LCP1: variants seen among roughly 807,000 people sequenced by gnomAD.
LCP1 encodes the protein lymphocyte cytosolic protein 1.
In LCP1, 23 loss-of-function variants were observed where a neutral mutation model predicts 72.0. That is an observed-to-expected ratio of 0.32 (90% CI 0.23 to 0.45). The LOEUF (loss-of-function observed/expected upper bound fraction) is 0.45. LCP1 is among the 20% of genes least tolerant of loss of function. The probability of loss-of-function intolerance (pLI) is 1.00; values close to 1 mark genes in which losing one functional copy is unlikely to be tolerated. For missense variants in LCP1, 571 were observed against 748.3 expected, an observed-to-expected ratio of 0.76 and a Z score of 2.76; for synonymous variants, 245 against 275.4, an observed-to-expected ratio of 0.89 and a Z score of 1.09.
chr13:46,158,265 T>A (rs1479017347), intron 4 of LCP1, among the ~76,000 whole-genome samples: 1 of 152,194 alleles, frequency 6.6e-6, no homozygotes, highest in South Asian at 2.1e-4. Flanking sequence ...ATTTTGTCCA[T>A]AAGATTTAGA....
chr13:46,171,317 C>T (rs769910345), intron 1 of LCP1, among the ~76,000 whole-genome samples: 34 of 152,136 alleles, frequency 2.2e-4, no homozygotes, highest in Non-Finnish European at 4.3e-4. Context: ...TCTCGAGTTT[C>T]CCTGCCATCC....
chr13:46,149,383 G>T (rs1369775109), intron 8 of LCP1, among the ~76,000 whole-genome samples: 1 of 152,130 alleles, frequency 6.6e-6, no homozygotes, highest in East Asian at 1.9e-4. Flanking sequence ...TCCCTTCTCT[G>T]ACTTTTCACT....
intron 10 of LCP1, among the ~76,000 whole-genome samples, 187 bp from the exon 11 acceptor site, chr13:46,144,707 G>C (rs975458052): frequency 6.6e-6 from 1 of 152,160 alleles, no homozygotes; most frequent in African/African-American, 2.4e-5. Flanking sequence ...TTTCAATTCC[G>C]CATGTATTTC....
At chr13:46,152,744 G>A (rs1186900351) in intron 7 of LCP1, 36 bp downstream of exon 7, 4 of 1,596,040 alleles carry the variant, frequency 2.5e-6, no homozygotes, top group Non-Finnish European at 3.4e-6. Context: ...TTATTAGAAA[G>A]CTGTGTCATA....
At chr13:46,137,237 A>G (rs1198990954) in intron 13 of LCP1, among the ~76,000 whole-genome samples, 1 of 151,532 alleles carries the variant, frequency 6.6e-6, no homozygotes, top group African/African-American at 2.4e-5. Context: ...CAAAGAGAAG[A>G]AAGAATAGAA....
At chr13:46,162,978 C>T (rs1180804488) in intron 1 of LCP1, among the ~76,000 whole-genome samples, 1 of 151,064 alleles carries the variant, frequency 6.6e-6, no homozygotes, top group African/African-American at 2.4e-5. Flanking sequence ...TGAGGAGCGT[C>T]TCCAGCCGGC....
At chr13:46,157,741 C>CTTTTTTTTT (rs548259648) in intron 4 of LCP1, among the ~76,000 whole-genome samples, 1 of 99,790 alleles carries the variant, frequency 1.0e-5, no homozygotes, top group African/African-American at 4.1e-5. Flanking sequence ...CATGACTTAT[C>CTTTTTTTTT]TTTTTTTTTT....
chr13:46,180,346 G>C (rs1014265644), intron 1 of LCP1, among the ~76,000 whole-genome samples: 3 of 152,128 alleles, frequency 2.0e-5, no homozygotes. Context: ...CAAGTTAAAT[G>C]GTACTTTAAC....
intron 4 of LCP1, 65 bp from the exon 5 acceptor site, chr13:46,156,635 A>C: frequency 1.3e-6 from 2 of 1,548,088 alleles, no homozygotes; most frequent in East Asian, 4.5e-5. Context: ...AAAATTATGC[A>C]TGTGGATCTT....
chr13:46,151,224 G>A (rs528181059), intron 7 of LCP1, 146 bp from the exon 8 acceptor site: 4 of 705,238 alleles, frequency 5.7e-6, no homozygotes, highest in East Asian at 2.9e-5. Context: ...CTTTCCCATG[G>A]ATTAAATATT....
intron 15 of LCP1, among the ~76,000 whole-genome samples, chr13:46,128,618 C>A (rs985040604): frequency 4.6e-5 from 7 of 152,060 alleles, no homozygotes; most frequent in African/African-American, 1.2e-4. Context: ...AAAATCCTAG[C>A]CTTACACATC....
chr13:46,131,238 T>C lies in LCP1; in HGVS notation c.1627-300A>G, dbSNP rs577745158. ...AAAATAGTGGATTGTGTCAAGCATATGAAAAAATGCAAAAATGCTCGGCAT... is the reference window on the plus strand; with the variant it reads ...AAAATAGTGGATTGTGTCAAGCATACGAAAAAATGCAAAAATGCTCGGCAT... On this transcript the variant is annotated intron_variant, in intron 14 of 15. Transcript: ENST00000323076. Among the ~76,000 whole-genome samples, 15 of 152,184 alleles carry C rather than the reference T, an allele frequency of 9.9e-5. 1 individual carries two copies. Among genetic ancestry groups the C allele is most frequent in the Admixed American group, 8.5e-4 (13 of 15,276 alleles).
Position 46,144,661 on chromosome 13 carries a change from C to T in LCP1, c.1175-141G>A, listed in dbSNP as rs377131394. ...TAAAATAAACTGTATTGGATTTGGA[C>T]GAGGGTTCTTATACTGTGTTAATTT... On this transcript the variant is annotated intron_variant, in intron 10 of 15. Transcript: ENST00000323076. 4.0e-4 allele frequency: 254 copies of T among 642,118 alleles called. 2 individuals are homozygous for T. The highest frequency in any genetic ancestry group is 1.4e-3 in the East Asian group (53 of 37,106). 39.8% of individuals were successfully genotyped at this position (642,118 alleles called of 1,614,324 possible). A position where few individuals can be genotyped will look rare whatever the true frequency, so the allele number is the denominator to read the frequency against.
chr13:46,127,526 C>T lies in LCP1; in HGVS notation c.*65G>A, dbSNP rs2045606281. ...GAACTTTGGAATGGCTTGAATCATC[C>T]CTGGAGCATCTGTGCCGGGCAGTCA... On this transcript the variant is annotated 3_prime_UTR_variant, in exon 16 of 16. Coordinates refer to ENST00000323076, the MANE Select transcript of LCP1 (RefSeq NM_002298.5). The T allele has an allele frequency of 1.3e-6, 2 of 1,597,024 alleles. No individual in the cohort carries two copies. The highest frequency in any genetic ancestry group is 3.4e-5 in the Admixed American group (2 of 59,072).
intron 1 of LCP1, among the ~76,000 whole-genome samples, chr13:46,176,385 T>C (rs1171394194): frequency 6.6e-6 from 1 of 152,216 alleles, no homozygotes; most frequent in African/African-American, 2.4e-5. Flanking sequence ...GGAAGCTATA[T>C]TGAATGCACA....
intron 4 of LCP1, 48 bp downstream of exon 4, chr13:46,158,474 A>C: frequency 6.3e-7 from 1 of 1,597,088 alleles, no homozygotes; most frequent in Non-Finnish European, 8.5e-7. Context: ...TACCAAGTTT[A>C]GAATCTGTAA....
chr13:46,176,554 T>G (rs1470616939), intron 1 of LCP1, among the ~76,000 whole-genome samples: 1 of 152,208 alleles, frequency 6.6e-6, no homozygotes, highest in Non-Finnish European at 1.5e-5. Context: ...TTGTGTATCC[T>G]TTTACTTCAC....
At chr13:46,142,205 A>T in intron 13 of LCP1, 87 bp downstream of exon 13, 1 of 1,355,096 alleles carries the variant, frequency 7.4e-7, no homozygotes, top group Non-Finnish European at 1.0e-6. Flanking sequence ...ACTTTTACTG[A>T]ATTAACTCAT....
At chr13:46,156,315 C>T in intron 5 of LCP1, 123 bp downstream of exon 5, 1 of 1,118,138 alleles carries the variant, frequency 8.9e-7, no homozygotes, top group Non-Finnish European at 1.3e-6. Context: ...AGTGAAAGTC[C>T]AGAAAAGCCT....
Sources: gnomAD v4.1 joint callset for allele counts (sites outside exome capture counted in the v4.1 genomes callset) on GRCh38, gnomAD v4.1.1 for gene constraint, MANE v1.5 for transcripts, NCBI Gene and HGNC (gene_info 2026-07-23, HGNC 2026-07-21) for gene names.